The following CFAP43 variants were observed in gnomAD, a reference collection of about 807,000 sequenced individuals.
The protein encoded by CFAP43 is cilia- and flagella-associated protein 43.
In CFAP43, 155 loss-of-function variants were observed where a neutral mutation model predicts 218.9. That is an observed-to-expected ratio of 0.71 (90% CI 0.62 to 0.81). The LOEUF is 0.81. Among genes scored for constraint, CFAP43 ranks in the 30% least tolerant of loss-of-function variants. CFAP43 has a pLI of 0.00. For synonymous variants in CFAP43, 645 were observed against 681.3 expected, an observed-to-expected ratio of 0.95 and a Z score of 0.83; for missense variants, 1,778 against 1,954.3, an observed-to-expected ratio of 0.91 and a Z score of 1.70.
chr10:104,206,161 T>C (rs1242943575), intron 6 of CFAP43, 131 bp from the exon 7 acceptor site: 2 of 684,666 alleles, frequency 2.9e-6, no homozygotes, highest in Admixed American at 6.4e-5. Flanking sequence ...ATCAGATCTA[T>C]GTAACTAACA....
intron 31 of CFAP43, among the ~76,000 whole-genome samples, chr10:104,144,964 C>G (rs1479827100): frequency 6.6e-6 from 1 of 152,224 alleles, no homozygotes; most frequent in Non-Finnish European, 1.5e-5. Context: ...TTGGAAAACG[C>G]TGCTTACTCT....
intron 2 of CFAP43, among the ~76,000 whole-genome samples, chr10:104,228,886 CTAGAACTTCCAGGT>C (rs2091373910): frequency 6.6e-6 from 1 of 152,062 alleles, no homozygotes; most frequent in Non-Finnish European, 1.5e-5. Flanking sequence ...GTTGCATTGG[CTAGAACTTCCAGGT>C]TGATATTAAA....
intron 10 of CFAP43, among the ~76,000 whole-genome samples, chr10:104,195,858 A>G (rs922029604): frequency 6.6e-6 from 1 of 152,194 alleles, no homozygotes; most frequent in Non-Finnish European, 1.5e-5. Flanking sequence ...AATCTCTTGA[A>G]TATTCACTGA....
chr10:104,200,695 AAG>A (rs1179637150), intron 8 of CFAP43, among the ~76,000 whole-genome samples: 11 of 150,880 alleles, frequency 7.3e-5, no homozygotes, highest in African/African-American at 2.4e-4. Context: ...AAAAAAAAAA[AAG>A]ACCCAAAGGA....
At chr10:104,166,773 G>T in intron 22 of CFAP43, 55 bp from the exon 23 acceptor site, 2 of 1,449,010 alleles carry the variant, frequency 1.4e-6, no homozygotes, top group South Asian at 1.3e-5. Context: ...ATCCTCTAAA[G>T]GGAAATTTTG....
chr10:104,175,460 T>C (rs976062227), intron 19 of CFAP43, among the ~76,000 whole-genome samples: 1 of 152,130 alleles, frequency 6.6e-6, no homozygotes, highest in Non-Finnish European at 1.5e-5. Context: ...TATATAAATA[T>C]ACAGATGCTC....
intron 9 of CFAP43, among the ~76,000 whole-genome samples, chr10:104,197,513 G>A (rs1454646211): frequency 6.6e-6 from 1 of 152,182 alleles, no homozygotes; most frequent in Admixed American, 6.5e-5. Flanking sequence ...CTCAGGTGGT[G>A]CTGCTGCATT....
chr10:104,164,073 G>A, intron 24 of CFAP43, 21 bp downstream of exon 24: 3 of 1,611,776 alleles, frequency 1.9e-6, no homozygotes, highest in African/African-American at 1.3e-5. Context: ...GAAGGGAAAG[G>A]AGAACACAGC....
At position 104,232,302 on chromosome 10, in the gene CFAP43, T is replaced by C. The variant is rs1456859390; in HGVS notation, c.-56A>G. 2 of 1,486,994 alleles carry C rather than the reference T, an allele frequency of 1.3e-6. No homozygotes were observed. Among genetic ancestry groups the C allele is most frequent in the Admixed American group, 2.4e-5 (1 of 41,728 alleles). 92.1% of individuals were successfully genotyped at this position (1,486,994 alleles called of 1,614,324 possible). A position where few individuals can be genotyped will look rare whatever the true frequency, so the allele number is the denominator to read the frequency against. ...AGCGCACGCAGCACCCCAGGGCGGGTCGGTTACCTTTCCGCCGCCGCGGGG... is the reference window on the plus strand; with the variant it reads ...AGCGCACGCAGCACCCCAGGGCGGGCCGGTTACCTTTCCGCCGCCGCGGGG... On this transcript the variant is annotated 5_prime_UTR_variant, in exon 1 of 38. Transcript: ENST00000357060.
chr10:104,223,464 G>C (rs1024703117), intron 3 of CFAP43, among the ~76,000 whole-genome samples: 13 of 152,306 alleles, frequency 8.5e-5, no homozygotes, highest in Admixed American at 2.6e-4. Context: ...ATTTTACAGA[G>C]GAAGAAACTA....
rs190659123 is a variant in CFAP43, at chr10:104,215,070, G to T, written c.417-644C>A. Among the ~76,000 whole-genome samples, 584 of 152,136 alleles carry T rather than the reference G, an allele frequency of 3.8e-3. 5 individuals carry two copies. The highest frequency in any genetic ancestry group is 0.013 in the African/African-American group (555 of 41,504). On this transcript the variant is annotated intron_variant, in intron 3 of 37. Transcript: ENST00000357060. ...GCATCGCTTGAACCTGGGAGGCGGAGGTTGCAGTGAGCCAAGATTGTGCCA... is the reference window on the plus strand; with the variant it reads ...GCATCGCTTGAACCTGGGAGGCGGATGTTGCAGTGAGCCAAGATTGTGCCA...
At chr10:104,174,744 A>C (rs2089547554) in intron 19 of CFAP43, among the ~76,000 whole-genome samples, 1 of 152,070 alleles carries the variant, frequency 6.6e-6, no homozygotes, top group Admixed American at 6.6e-5. Flanking sequence ...ACACATATGT[A>C]AGTATTATAT....
rs770759380 is a variant in CFAP43, at chr10:104,168,769, A to T, written c.2666T>A (p.Met889Lys). 1 of 1,614,154 alleles carries T rather than the reference A, an allele frequency of 6.2e-7. No individual in the cohort carries two copies. Among genetic ancestry groups the T allele is most frequent in the Non-Finnish European group, 8.5e-7 (1 of 1,180,006 alleles). Residue 889 changes from methionine to lysine, a missense_variant, in exon 21 of 38, where the codon ATG becomes AAG. Around this residue, in one of 3 missense-constraint regions of CFAP43, gnomAD observed 1,553 missense variants for 1,685.2 expected, o/e 0.92. Transcript: ENST00000357060. ...ELIKEECWNSMAVKGRALKCF... is the reference protein window; with the variant it reads ...ELIKEECWNSKAVKGRALKCF... ...CTTAAGAGCTCGACCTTTCACAGCC[A>T]TCGAATTCCAACATTCTTCTTTGAT...
chr10:104,202,191 G>A (rs2090553871), intron 8 of CFAP43, among the ~76,000 whole-genome samples: 2 of 152,146 alleles, frequency 1.3e-5, no homozygotes, highest in Admixed American at 6.5e-5. Context: ...GCTGAACCCT[G>A]CACTACACTG....
Position 104,212,711 on chromosome 10 carries a change from G to C in CFAP43, c.585-554C>G, listed in dbSNP as rs570806453. On this transcript the variant is annotated intron_variant, in intron 4 of 37. Coordinates refer to ENST00000357060, the MANE Select transcript of CFAP43 (RefSeq NM_025145.7). ...AGCTACTTTTATAATCTCTGATATT[G>C]AGTTCATTTTCAAATTTATCATATA... is the stretch of plus-strand genomic sequence containing the variant. Among the ~76,000 whole-genome samples the C allele has an allele frequency of 5.3e-5, 8 of 152,226 alleles. No individual in the cohort carries two copies. In the East Asian group the frequency reaches 1.5e-3, roughly 29 times the overall value.
intron 30 of CFAP43, among the ~76,000 whole-genome samples, 175 bp from the exon 31 acceptor site, chr10:104,145,739 G>C (rs901506006): frequency 6.6e-6 from 1 of 152,160 alleles, no homozygotes; most frequent in Non-Finnish European, 1.5e-5. Flanking sequence ...TCAAAGATTT[G>C]TTTTGATAAG....
At chr10:104,167,186 T>C (rs963872052) in intron 22 of CFAP43, among the ~76,000 whole-genome samples, 16 of 152,212 alleles carry the variant, frequency 1.1e-4, no homozygotes, top group Non-Finnish European at 2.1e-4. Context: ...AGTGTTTTTT[T>C]AGTGGTTTGA....
intron 34 of CFAP43, among the ~76,000 whole-genome samples, chr10:104,137,335 T>G (rs574760578): frequency 2.4e-4 from 37 of 152,266 alleles, no homozygotes; most frequent in African/African-American, 8.4e-4. Context: ...CTTAAAAACA[T>G]GCTAAGTGAA....
At chr10:104,220,947 AGC>A (rs1191323182) in intron 3 of CFAP43, among the ~76,000 whole-genome samples, 4 of 133,688 alleles carry the variant, frequency 3.0e-5, no homozygotes, top group Admixed American at 1.5e-4. Context: ...TATATGAGTG[AGC>A]GTGTGTGTGT....
Sources: gnomAD v4.1 joint callset for allele counts (sites outside exome capture counted in the v4.1 genomes callset) on GRCh38, gnomAD v4.1.1 for gene constraint, gnomAD v4.1.1 regional missense constraint, MANE v1.5 for transcripts, NCBI Gene and HGNC (gene_info 2026-07-23, HGNC 2026-07-21) for gene names.